The following CHLSN variants were observed in gnomAD, a reference collection of about 807,000 sequenced individuals.
The protein encoded by CHLSN is protein cholesin.
At chr7:1,027,097 G>A in the CHLSN span, 1 of 152,202 alleles carries the variant, frequency 6.6e-6, no homozygotes, top group African/African-American at 2.4e-5. Flanking sequence ...GAAATGGCAG[G>A]ATCAAAATTA....
At chr7:1,010,830 C>A in the CHLSN span, among the ~76,000 whole-genome samples, 1 of 152,158 alleles carries the variant, frequency 6.6e-6, no homozygotes, top group Non-Finnish European at 1.5e-5. Flanking sequence ...ATGAGGTGAC[C>A]CCAGCCGCTG....
At chr7:1,129,845 G>C in the CHLSN span, among the ~76,000 whole-genome samples, 10 of 152,252 alleles carry the variant, frequency 6.6e-5, no homozygotes, top group Non-Finnish European at 1.5e-4. Context: ...AAGCGTTTAA[G>C]ATTAAGAGAA....
At chr7:998,202 G>C in the CHLSN span, among the ~76,000 whole-genome samples, 1 of 152,230 alleles carries the variant, frequency 6.6e-6, no homozygotes, top group Admixed American at 6.5e-5. Context: ...GCAGTGGCCA[G>C]GTGGCATCTC....
At chr7:982,513 G>A in the CHLSN span, among the ~76,000 whole-genome samples, 2 of 152,236 alleles carry the variant, frequency 1.3e-5, no homozygotes, top group African/African-American at 4.8e-5. Flanking sequence ...CCTGCCACCC[G>A]GCAGCCCTTC....
the CHLSN span, among the ~76,000 whole-genome samples, chr7:1,060,502 G>A: frequency 1.3e-5 from 2 of 152,192 alleles, no homozygotes; most frequent in Non-Finnish European, 2.9e-5. Flanking sequence ...GGTAGGGTGG[G>A]GGGAGTGGCA....
the CHLSN span, among the ~76,000 whole-genome samples, chr7:1,041,946 G>C: frequency 6.6e-6 from 1 of 152,206 alleles, no homozygotes; most frequent in Non-Finnish European, 1.5e-5. Context: ...CTGCCGACCC[G>C]CCTGAATGCG....
At chr7:1,006,623 C>T in the CHLSN span, among the ~76,000 whole-genome samples, 1 of 147,730 alleles carries the variant, frequency 6.8e-6, no homozygotes, top group Non-Finnish European at 1.5e-5. Flanking sequence ...GGGGAAAGAG[C>T]GCACGACGGC....
At chr7:1,098,842 G>A in the CHLSN span, among the ~76,000 whole-genome samples, 3 of 152,234 alleles carry the variant, frequency 2.0e-5, no homozygotes, top group South Asian at 6.2e-4. Flanking sequence ...GGGGGACGGG[G>A]AGCCACTGCT....
the CHLSN span, chr7:1,058,778 T>C: frequency 2.0e-6 from 1 of 500,228 alleles, no homozygotes; most frequent in Non-Finnish European, 3.6e-6. Context: ...CGCAAAAGCC[T>C]CCTCGCCTTC....
the CHLSN span, among the ~76,000 whole-genome samples, chr7:1,002,409 G>A: frequency 7.7e-6 from 1 of 130,492 alleles, no homozygotes; most frequent in Non-Finnish European, 1.7e-5. Context: ...GTGGAGTCCT[G>A]CCGGTGGGGA....
the CHLSN span, among the ~76,000 whole-genome samples, chr7:981,112 A>G: frequency 2.6e-5 from 4 of 151,046 alleles, no homozygotes; most frequent in African/African-American, 7.3e-5. Context: ...CCTGGCCAAC[A>G]TGGCAAAACC....
the CHLSN span, among the ~76,000 whole-genome samples, chr7:1,117,370 C>T: frequency 1.9e-5 from 2 of 103,684 alleles, no homozygotes; most frequent in Admixed American, 9.3e-5. Flanking sequence ...TGCAGCTCTA[C>T]GGACCGGCTT....
the CHLSN span, among the ~76,000 whole-genome samples, chr7:1,123,042 C>T: frequency 6.6e-4 from 100 of 152,302 alleles, 1 homozygote; most frequent in East Asian, 0.015. This position sits in a 1 kb window ranked among gnomAD's most constrained non-coding sequence, Gnocchi z 4.4. Flanking sequence ...CAGGGCCCTC[C>T]GGGATGGGGA....
At chr7:983,167 G>C in the CHLSN span, 1 of 1,433,328 alleles carries the variant, frequency 7.0e-7, no homozygotes, top group Non-Finnish European at 9.2e-7. Context: ...GGTGCGGGGG[G>C]GACGGGGCCC....
At chr7:1,060,021 G>A in the CHLSN span, among the ~76,000 whole-genome samples, 2 of 134,312 alleles carry the variant, frequency 1.5e-5, no homozygotes, top group African/African-American at 2.9e-5. Flanking sequence ...CGGGTCCGTA[G>A]TGAAGCGGGT....
chr7:1,021,675 G>T, the CHLSN span: 2 of 674,650 alleles, frequency 3.0e-6, no homozygotes, highest in Non-Finnish European at 3.7e-6. Flanking sequence ...AACCCCGGCA[G>T]GTCGGCTGGA....
chr7:982,474 C>CAGAT, the CHLSN span, among the ~76,000 whole-genome samples: 1 of 152,240 alleles, frequency 6.6e-6, no homozygotes, highest in Admixed American at 6.5e-5. Flanking sequence ...GTTTAGGAGA[C>CAGAT]AGATGGACAG....
At chr7:984,549 C>T in the CHLSN span, 21 of 1,560,830 alleles carry the variant, frequency 1.3e-5, no homozygotes, top group South Asian at 2.3e-4. Context: ...CCATCGCCAT[C>T]TTCCAGCTCA....
At chr7:1,027,852 C>T in the CHLSN span, among the ~76,000 whole-genome samples, 1 of 152,230 alleles carries the variant, frequency 6.6e-6, no homozygotes, top group Non-Finnish European at 1.5e-5. Flanking sequence ...GTCCTCAGAG[C>T]TCGTGTCTCC....
Sources: gnomAD v4.1 joint callset for allele counts (sites outside exome capture counted in the v4.1 genomes callset) on GRCh38, gnomAD v4.1.1 for gene constraint, Gnocchi (gnomAD v3.1) non-coding constraint, MANE v1.5 for transcripts, NCBI Gene and HGNC (gene_info 2026-07-23, HGNC 2026-07-21) for gene names.